Variants in MARCHF1 observed in about 807,000 individuals in gnomAD.
MARCHF1 encodes the protein membrane associated ring-CH-type finger 1, also known as E3 ubiquitin-protein ligase MARCHF1.
In MARCHF1, 40 loss-of-function variants were observed where a neutral mutation model predicts 54.2. That is an observed-to-expected ratio of 0.74 (90% confidence interval 0.57 to 0.96). The LOEUF is 0.96. MARCHF1 is among the 40% of genes least tolerant of loss of function. MARCHF1 has a pLI of 0.00. For synonymous variants in MARCHF1, 236 were observed against 236.3 expected (o/e 1.00, Z 0.01); for missense variants, 586 against 656.5 (o/e 0.89, Z 1.17).
At chr4:164,382,930 C>T (rs1000255868) in intron 1 of MARCHF1, among the ~76,000 whole-genome samples, 1 of 152,096 alleles carries the variant, frequency 6.6e-6, no homozygotes, top group Non-Finnish European at 1.5e-5. Context: ...TACTGAATAA[C>T]AATAAGAATT....
In MARCHF1 at chr4:164,049,025, A is replaced by G. The variant is rs1337702145; in HGVS notation, c.-247-60316T>C. Among the ~76,000 whole-genome samples, 65 of 152,260 alleles carry G rather than the reference A, an allele frequency of 4.3e-4. 1 individual carries two copies. Among genetic ancestry groups the G allele is most frequent in the Admixed American group, 4.3e-3 (65 of 15,288 alleles). On this transcript the variant is annotated intron_variant, in intron 2 of 9. Coordinates refer to ENST00000514618, the MANE Select transcript of MARCHF1 (RefSeq NM_001394959.1). ...TGGCAAGACTAATATATAAAATACT[A>G]GTGATTACTTTAAAAACACTTTCAG...
In MARCHF1 at chr4:164,044,510, C is replaced by T. The variant is rs561731986; in HGVS notation, c.-247-55801G>A. 3.0e-4 allele frequency among the ~76,000 whole-genome samples: 45 copies of T among 152,252 alleles called. 1 individual carries two copies. Among genetic ancestry groups the T allele is most frequent in the Non-Finnish European group, 5.9e-4 (40 of 68,012 alleles). On this transcript the variant is annotated intron_variant, in intron 2 of 9. Coordinates refer to ENST00000514618, the MANE Select transcript of MARCHF1 (RefSeq NM_001394959.1). ...CATAATCCAATCACCTCCTATCAGG[C>T]CCTTCTTCCAATTCGACATGAGATT...
At chr4:163,964,659 C>G (rs1179695948) in intron 3 of MARCHF1, among the ~76,000 whole-genome samples, 1 of 151,752 alleles carries the variant, frequency 6.6e-6, no homozygotes, top group Non-Finnish European at 1.5e-5. Context: ...CTGCTCTTCA[C>G]TTTCTTATCC....
rs547816929 is a variant in MARCHF1, at chr4:164,129,605, G to T, written c.-322-17943C>A. Among the ~76,000 whole-genome samples the T allele has an allele frequency of 2.2e-4, 33 of 152,234 alleles. No individual in the cohort carries two copies. In the South Asian group the frequency reaches 6.4e-3, roughly 30 times the overall value. ...GCTATATATATTATTTTTTGAATTA[G>T]TTGATTATATGATTTTCTCATGTAA... On this transcript the variant is annotated intron_variant, in intron 1 of 9. Coordinates refer to ENST00000514618, the MANE Select transcript of MARCHF1 (RefSeq NM_001394959.1).
chr4:163,886,160 A>ATATGAATCT (rs1560803395), intron 3 of MARCHF1, among the ~76,000 whole-genome samples: 3 of 149,958 alleles, frequency 2.0e-5, no homozygotes, highest in African/African-American at 7.3e-5. Context: ...TAGATCTATA[A>ATATGAATCT]ATAGATCTAT....
intron 1 of MARCHF1, among the ~76,000 whole-genome samples, chr4:164,180,025 A>C (rs915932666): frequency 1.3e-5 from 2 of 150,708 alleles, no homozygotes; most frequent in African/African-American, 4.9e-5. Context: ...ACTCTGTAGC[A>C]GTGACTTATC....
At chr4:163,860,135 T>G (rs72685643) in intron 3 of MARCHF1, among the ~76,000 whole-genome samples, 60 of 152,102 alleles carry the variant, frequency 3.9e-4, no homozygotes, top group African/African-American at 1.4e-3. Flanking sequence ...CCCAAAAATA[T>G]GGAGAGAGGA....
chr4:164,337,095 T>C (rs976760468), intron 1 of MARCHF1, among the ~76,000 whole-genome samples: 4 of 152,002 alleles, frequency 2.6e-5, no homozygotes, highest in African/African-American at 9.7e-5. Flanking sequence ...AGTAAACCTG[T>C]GAAAGTGTAA....
intron 4 of MARCHF1, among the ~76,000 whole-genome samples, chr4:163,719,487 A>G (rs1445568575): frequency 6.6e-6 from 1 of 152,114 alleles, no homozygotes; most frequent in East Asian, 1.9e-4. Context: ...GCCGCAATAA[A>G]CAGATGTGTG....
intron 1 of MARCHF1, among the ~76,000 whole-genome samples, chr4:164,320,972 G>A (rs6845983): frequency 0.11 from 16,649 of 152,134 alleles, 1,501 homozygotes; most frequent in East Asian, 0.3. Flanking sequence ...GCTTTTCTCA[G>A]TTACAGATGG....
chr4:163,825,728 G>A (rs1227649867), intron 4 of MARCHF1, among the ~76,000 whole-genome samples: 1 of 151,716 alleles, frequency 6.6e-6, no homozygotes, highest in Non-Finnish European at 1.5e-5. Context: ...AATGTTGGCT[G>A]CATTTACAGA....
intron 3 of MARCHF1, among the ~76,000 whole-genome samples, chr4:163,917,245 T>A (rs1475193709): frequency 6.6e-6 from 1 of 152,180 alleles, no homozygotes; most frequent in East Asian, 1.9e-4. Flanking sequence ...TTTGTTAGGA[T>A]CTTCAACTCC....
intron 2 of MARCHF1, among the ~76,000 whole-genome samples, chr4:164,093,192 G>C (rs754939147): frequency 6.6e-6 from 1 of 152,008 alleles, no homozygotes; most frequent in Non-Finnish European, 1.5e-5. Context: ...AAGTACTGGA[G>C]ATAGTATACC....
intron 3 of MARCHF1, among the ~76,000 whole-genome samples, chr4:163,950,557 G>T: frequency 6.6e-6 from 1 of 152,164 alleles, no homozygotes; most frequent in Non-Finnish European, 1.5e-5. Flanking sequence ...GCTCAGGAGG[G>T]TGGGGCTCCT....
chr4:163,732,229 C>G lies in MARCHF1; in HGVS notation c.112-31366G>C, dbSNP rs189829005. The stretch of plus-strand genomic sequence containing the variant: ...AAGAGATCAAAAGAGCCTAACCAAA[C>G]TTCTAAAGATGAAATCTACAATGTA... On this transcript the variant is annotated intron_variant, in intron 4 of 9. Transcript: ENST00000514618. 2.0e-4 allele frequency among the ~76,000 whole-genome samples: 31 copies of G among 151,848 alleles called. No homozygotes were observed. The East Asian group carries it at 4.8e-3, about 24-fold the overall frequency.
intron 1 of MARCHF1, among the ~76,000 whole-genome samples, chr4:164,156,172 G>A (rs1374379442): frequency 6.6e-6 from 1 of 152,100 alleles, no homozygotes; most frequent in Non-Finnish European, 1.5e-5. Flanking sequence ...ACTTTTAGAG[G>A]TGAGGCCCCC....
intron 1 of MARCHF1, among the ~76,000 whole-genome samples, chr4:164,186,446 CTACT>C (rs372211830): frequency 7.9e-4 from 121 of 152,302 alleles, no homozygotes; most frequent in African/African-American, 2.4e-3. Flanking sequence ...CAACTTTCTA[CTACT>C]TACTTTTATT....
At chr4:163,631,307 C>G (rs545261228) in intron 5 of MARCHF1, among the ~76,000 whole-genome samples, 1 of 151,984 alleles carries the variant, frequency 6.6e-6, no homozygotes, top group African/African-American at 2.4e-5. Flanking sequence ...ATTCTCTTGC[C>G]TCAGCCTCCT....
At chr4:164,195,220 C>T (rs1465169173) in intron 1 of MARCHF1, among the ~76,000 whole-genome samples, 1 of 151,696 alleles carries the variant, frequency 6.6e-6, no homozygotes, top group African/African-American at 2.4e-5. Context: ...TCTACAAGAC[C>T]TAGAAAATTG....
Sources: gnomAD v4.1 joint callset for allele counts (sites outside exome capture counted in the v4.1 genomes callset) on GRCh38, gnomAD v4.1.1 for gene constraint, MANE v1.5 for transcripts, NCBI Gene and HGNC (gene_info 2026-07-23, HGNC 2026-07-21) for gene names.